Variants in ERC1 observed in about 807,000 individuals in gnomAD.
The protein encoded by ERC1 is ELKS/RAB6-interacting/CAST family member 1, also known as RAB6 interacting protein 2.
A neutral mutation model predicts 132.0 loss-of-function variants in ERC1; 56 were observed. The observed-to-expected ratio is 0.42, with a 90% CI of 0.34 to 0.53. The LOEUF (loss-of-function observed/expected upper bound fraction) is 0.53, where lower values mean the gene tolerates loss of function less well. Among genes scored for constraint, ERC1 ranks in the 20% least tolerant of loss-of-function variants. The probability of loss-of-function intolerance (pLI) is 0.03; values close to 1 mark genes in which losing one functional copy is unlikely to be tolerated. For missense variants in ERC1, 1,202 were observed against 1,349.9 expected, an observed-to-expected ratio of 0.89 and a Z score of 1.72; for synonymous variants, 478 against 476.1, an observed-to-expected ratio of 1.00 and a Z score of -0.05.
chr12:996,770 C>T (rs1382536821), intron 1 of ERC1, among the ~76,000 whole-genome samples: 3 of 152,072 alleles, frequency 2.0e-5, no homozygotes, highest in Non-Finnish European at 2.9e-5. Context: ...CTCTCCTATC[C>T]CATCTAGTTC....
At chr12:1,046,444 A>G (rs1215376735) in intron 2 of ERC1, among the ~76,000 whole-genome samples, 1 of 152,246 alleles carries the variant, frequency 6.6e-6, no homozygotes, top group Non-Finnish European at 1.5e-5. Flanking sequence ...TGAAAATTAT[A>G]TGAAATTCAA....
At chr12:1,198,160 T>C (rs1269598623) in intron 12 of ERC1, among the ~76,000 whole-genome samples, 2 of 152,138 alleles carry the variant, frequency 1.3e-5, no homozygotes, top group Admixed American at 6.5e-5. Context: ...ACTCCTGGGC[T>C]CAAGTGATCC....
chr12:1,118,841 T>C (rs1946739141), intron 7 of ERC1, among the ~76,000 whole-genome samples: 1 of 152,192 alleles, frequency 6.6e-6, no homozygotes, highest in South Asian at 2.1e-4. Context: ...TAAGTATATA[T>C]GAAAAAAGAA....
intron 14 of ERC1, among the ~76,000 whole-genome samples, chr12:1,284,085 A>T (rs1386479396): frequency 6.6e-6 from 1 of 152,216 alleles, no homozygotes; most frequent in South Asian, 2.1e-4. Flanking sequence ...GCCTCTGGTA[A>T]CCACCATTCT....
At chr12:1,418,619 CTT>C (rs1347712291) in intron 17 of ERC1, among the ~76,000 whole-genome samples, 1,537 of 126,694 alleles carry the variant, frequency 0.012, 60 homozygotes, top group African/African-American at 0.056. Context: ...TTCTTTCTTT[CTT>C]TCTTTCTTTC....
intron 17 of ERC1, among the ~76,000 whole-genome samples, chr12:1,412,805 A>T (rs2091917689): frequency 6.6e-6 from 1 of 152,246 alleles, no homozygotes; most frequent in African/African-American, 2.4e-5. Flanking sequence ...TGCTTTGAGC[A>T]GTACTGTACA....
intron 14 of ERC1, among the ~76,000 whole-genome samples, chr12:1,278,147 A>G (rs1311535665): frequency 2.0e-5 from 3 of 152,252 alleles, no homozygotes; most frequent in African/African-American, 7.2e-5. Context: ...GCAATTGACA[A>G]GGGACTTCAA....
At chr12:1,347,163 G>A (rs974704681) in intron 15 of ERC1, among the ~76,000 whole-genome samples, 2 of 152,076 alleles carry the variant, frequency 1.3e-5, no homozygotes, top group Non-Finnish European at 1.5e-5. Flanking sequence ...AAATACTAGC[G>A]TACATTTTAG....
At chr12:1,287,551 C>G (rs546194648) in intron 14 of ERC1, among the ~76,000 whole-genome samples, 1 of 152,184 alleles carries the variant, frequency 6.6e-6, no homozygotes, top group East Asian at 1.9e-4. Flanking sequence ...CTGAGTAGAA[C>G]AAAACTCTGA....
Position 1,057,633 on chromosome 12 carries a change from G to A in ERC1, c.670-25531G>A, listed in dbSNP as rs1475248583. Among the ~76,000 whole-genome samples the A allele has an allele frequency of 3.7e-5, 4 of 109,106 alleles. No individual in the cohort carries two copies. The South Asian group carries it at 9.8e-4, about 27-fold the overall frequency. 71.6% of individuals were successfully genotyped at this position (109,106 alleles called of 152,430 possible). On this transcript the variant is annotated intron_variant, in intron 2 of 18. Transcript: ENST00000360905. Reference sequence around the variant, plus strand: ...TTTCCTTGAGGTGGAGTCTTGCTACGTTGCCAGGCTGAAGTGCAGTGGCTT... The same window carrying A: ...TTTCCTTGAGGTGGAGTCTTGCTACATTGCCAGGCTGAAGTGCAGTGGCTT...
intron 4 of ERC1, among the ~76,000 whole-genome samples, chr12:1,106,323 T>G (rs1425987094): frequency 6.6e-6 from 1 of 152,226 alleles, no homozygotes; most frequent in Admixed American, 6.5e-5. Context: ...TAAAAGTTCA[T>G]GTAGTTAGGG....
intron 15 of ERC1, among the ~76,000 whole-genome samples, chr12:1,307,952 T>C (rs1042778549): frequency 3.9e-5 from 6 of 152,242 alleles, no homozygotes; most frequent in African/African-American, 1.4e-4. Context: ...AGCAGTAGCT[T>C]TGATTCATTG....
intron 2 of ERC1, among the ~76,000 whole-genome samples, chr12:1,067,877 T>G (rs1027603709): frequency 6.6e-6 from 1 of 152,016 alleles, no homozygotes; most frequent in Non-Finnish European, 1.5e-5. Context: ...AAACTGTGTG[T>G]GTGTCCAGTG....
At position 1,289,992 on chromosome 12, in the gene ERC1, A is replaced by C. The variant is rs749861246; in HGVS notation, c.2760A>C (p.Leu920Phe). ...TTCGGGCAGAGAGAAGGAAACACTTAGAGGAAGTTCTGGAGATGAAGTAAG... is the reference window on the plus strand; with the variant it reads ...TTCGGGCAGAGAGAAGGAAACACTTCGAGGAAGTTCTGGAGATGAAGTAAG... ...TNLRAERRKH[L>F]EEVLEMKQEA... is the part of the protein sequence containing the mutation. The change falls in exon 15 of 19, where the codon TTA becomes TTC. Residue 920 changes from leucine (L) to phenylalanine (F), a missense_variant. By Grantham distance (22) the Leu-to-Phe change is conservative. Transcript: ENST00000360905. 3 of 1,613,924 alleles carry C rather than the reference A, an allele frequency of 1.9e-6. No individual in the cohort carries two copies. Among genetic ancestry groups the C allele is most frequent in the African/African-American group, 1.3e-5 (1 of 74,938 alleles).
At chr12:1,337,591 G>A (rs2083422638) in intron 15 of ERC1, among the ~76,000 whole-genome samples, 1 of 151,728 alleles carries the variant, frequency 6.6e-6, no homozygotes, top group South Asian at 2.1e-4. Context: ...CATGATGTTA[G>A]CTGGTTATTA....
intron 17 of ERC1, among the ~76,000 whole-genome samples, chr12:1,431,105 A>T (rs1437747591): frequency 6.6e-6 from 1 of 152,198 alleles, no homozygotes; most frequent in East Asian, 1.9e-4. Flanking sequence ...AAAGCCTGAA[A>T]GTTCTATAAC....
intron 13 of ERC1, among the ~76,000 whole-genome samples, chr12:1,259,758 C>T (rs1421823135): frequency 6.6e-6 from 1 of 152,002 alleles, no homozygotes; most frequent in Admixed American, 6.6e-5. Flanking sequence ...CTCCTGACCT[C>T]GTGATCCACC....
Position 1,407,444 on chromosome 12 carries a change from C to T in ERC1, c.2926-705C>T, listed in dbSNP as rs138918317. 2.8e-4 allele frequency among the ~76,000 whole-genome samples: 43 copies of T among 152,028 alleles called. No individual in the cohort carries two copies. In the South Asian group the frequency reaches 7.9e-3, roughly 28 times the overall value. On this transcript the variant is annotated intron_variant, in intron 16 of 18. Coordinates refer to ENST00000360905, the MANE Select transcript of ERC1 (RefSeq NM_178040.4). ...GCGTGCACCTGTAGTCCCAGCTGCT[C>T]GGGAAACTGAGGCCAGAGGATGGCT...
At position 1,494,537 on chromosome 12, in the gene ERC1, AC is replaced by A. The variant is rs1428313089; in HGVS notation, c.*4308del. 1 of 231,404 alleles carries A rather than the reference AC, an allele frequency of 4.3e-6. No homozygotes were observed. Among genetic ancestry groups the A allele is most frequent in the African/African-American group, 2.2e-5 (1 of 45,236 alleles). 14.3% of individuals were successfully genotyped at this position (231,404 alleles called of 1,614,324 possible). A position where few individuals can be genotyped will look rare whatever the true frequency, so the allele number is the denominator to read the frequency against. ...ACTCTTCAGCAAAAACCGTCTCCAG[AC>A]TTTTTAGTGTCAAAAATGTAACCAA... On this transcript the variant is annotated 3_prime_UTR_variant, in exon 19 of 19. Coordinates refer to ENST00000360905, the MANE Select transcript of ERC1 (RefSeq NM_178040.4).
Sources: allele counts gnomAD v4.1 joint callset (sites outside exome capture counted in the v4.1 genomes callset), GRCh38; gene constraint gnomAD v4.1.1; transcripts MANE v1.5; gene names NCBI Gene and HGNC (gene_info 2026-07-23, HGNC 2026-07-21).